NFIB: variants seen among roughly 807,000 people sequenced by gnomAD.
The protein encoded by NFIB is nuclear factor 1 B-type.
NFIB carries 11 observed loss-of-function variants against 61.5 expected under a neutral mutation model. The ratio of observed to expected loss-of-function variants is 0.18; its 90% CI spans 0.11 to 0.30. The LOEUF (loss-of-function observed/expected upper bound fraction) is 0.30, where lower values mean the gene tolerates loss of function less well. NFIB is among the 10% of genes least tolerant of loss of function. The pLI is 1.00. For missense variants in NFIB, 471 were observed against 608.9 expected (o/e 0.77, Z 2.38); for synonymous variants, 260 against 216.5 (o/e 1.20, Z -1.76).
the NFIB span, among the ~76,000 whole-genome samples, chr9:14,471,546 G>T: frequency 6.6e-6 from 1 of 152,252 alleles, no homozygotes; most frequent in African/African-American, 2.4e-5. Flanking sequence ...AGACTGCAAA[G>T]CTTCTAAAAT....
At chr9:14,429,042 C>G in the NFIB span, among the ~76,000 whole-genome samples, 3 of 152,316 alleles carry the variant, frequency 2.0e-5, no homozygotes, top group African/African-American at 4.8e-5. Context: ...GGGACTGGAA[C>G]ACACAAGTTC....
At chr9:14,256,897 G>C (rs982327239) in intron 2 of NFIB, among the ~76,000 whole-genome samples, 1 of 152,180 alleles carries the variant, frequency 6.6e-6, no homozygotes, top group African/African-American at 2.4e-5. Flanking sequence ...CCATGGCCTA[G>C]TTTGACCTGG....
At chr9:14,404,555 T>C in the NFIB span, among the ~76,000 whole-genome samples, 1 of 152,124 alleles carries the variant, frequency 6.6e-6, no homozygotes, top group Non-Finnish European at 1.5e-5. Context: ...TGATTCCCCA[T>C]GTTTATTTGG....
At chr9:14,455,700 A>T in the NFIB span, among the ~76,000 whole-genome samples, 5 of 152,194 alleles carry the variant, frequency 3.3e-5, no homozygotes, top group Non-Finnish European at 7.3e-5. Flanking sequence ...AAAAAGGGCA[A>T]TTAACTCTCA....
At chr9:14,438,420 ATTT>A in the NFIB span, among the ~76,000 whole-genome samples, 1 of 152,192 alleles carries the variant, frequency 6.6e-6, no homozygotes, top group Non-Finnish European at 1.5e-5. Context: ...ACAACGCATT[ATTT>A]TCAGAATTCT....
At chr9:14,472,090 C>A in the NFIB span, among the ~76,000 whole-genome samples, 3 of 152,192 alleles carry the variant, frequency 2.0e-5, no homozygotes, top group Admixed American at 2.0e-4. Context: ...TCGCGCAGAA[C>A]AATTTGTCTT....
intron 2 of NFIB, among the ~76,000 whole-genome samples, chr9:14,239,028 T>C (rs2054085765): frequency 1.3e-5 from 2 of 152,338 alleles, no homozygotes; most frequent in East Asian, 1.9e-4. Context: ...TGTTATACAA[T>C]ATAGTTTATA....
intron 2 of NFIB, among the ~76,000 whole-genome samples, chr9:14,274,363 G>A (rs181221225): frequency 2.0e-5 from 3 of 151,996 alleles, no homozygotes; most frequent in Middle Eastern, 3.4e-3. Flanking sequence ...TTAGGAGGGC[G>A]GCAGCCGTGC....
At chr9:14,169,801 G>C (rs971086682) in intron 3 of NFIB, among the ~76,000 whole-genome samples, 7 of 152,158 alleles carry the variant, frequency 4.6e-5, no homozygotes, top group Admixed American at 4.6e-4. Context: ...CTGGGCAACA[G>C]AGCAAGACTC....
intron 1 of NFIB, among the ~76,000 whole-genome samples, chr9:14,324,462 TC>T (rs2060728971): frequency 6.6e-6 from 1 of 152,202 alleles, no homozygotes. Flanking sequence ...CAACAGAAAG[TC>T]TTCTCTGTTA....
At chr9:14,112,013 T>A (rs1367840935) in intron 10 of NFIB, among the ~76,000 whole-genome samples, 1 of 152,120 alleles carries the variant, frequency 6.6e-6, no homozygotes, top group Admixed American at 6.5e-5. Flanking sequence ...AAGAATGAAG[T>A]AAGTGGGCAA....
chr9:14,353,420 T>C (rs963008994), intron 1 of NFIB, among the ~76,000 whole-genome samples: 1 of 152,102 alleles, frequency 6.6e-6, no homozygotes, highest in East Asian at 1.9e-4. Context: ...TGCTAGGGTG[T>C]CCTTGGCAGA....
At chr9:14,142,072 TAAAG>T (rs1414071094) in intron 6 of NFIB, among the ~76,000 whole-genome samples, 2 of 152,194 alleles carry the variant, frequency 1.3e-5, no homozygotes, top group Non-Finnish European at 2.9e-5. Flanking sequence ...AGTGACCTTA[TAAAG>T]AATTGTTTTC....
the NFIB span, among the ~76,000 whole-genome samples, chr9:14,507,862 G>A: frequency 6.1e-4 from 93 of 151,434 alleles, no homozygotes; most frequent in Non-Finnish European, 1.0e-3. Flanking sequence ...ACAGGCTGCC[G>A]GCATCAGAAA....
chr9:14,185,114 G>A (rs1204252464), intron 2 of NFIB, among the ~76,000 whole-genome samples: 1 of 151,974 alleles, frequency 6.6e-6, no homozygotes, highest in Non-Finnish European at 1.5e-5. Context: ...CCATGTAGAA[G>A]CTCAGAGGCT....
intron 1 of NFIB, among the ~76,000 whole-genome samples, chr9:14,386,477 G>T (rs662526): frequency 6.6e-6 from 1 of 152,016 alleles, no homozygotes; most frequent in East Asian, 1.9e-4. Context: ...ACTATCTTAC[G>T]CTACAGGACC....
At chr9:14,122,255 A>G (rs972521612) in intron 7 of NFIB, among the ~76,000 whole-genome samples, 9 of 152,176 alleles carry the variant, frequency 5.9e-5, no homozygotes, top group Admixed American at 2.6e-4. Context: ...GATATAAGAA[A>G]TTAAGAATGT....
At chr9:14,473,224 G>T in the NFIB span, among the ~76,000 whole-genome samples, 1 of 152,180 alleles carries the variant, frequency 6.6e-6, no homozygotes, top group Non-Finnish European at 1.5e-5. Flanking sequence ...GAGACCCTGG[G>T]ATAATCCCAT....
chr9:14,373,944 A>G (rs2061388160), intron 1 of NFIB, among the ~76,000 whole-genome samples: 1 of 152,172 alleles, frequency 6.6e-6, no homozygotes, highest in African/African-American at 2.4e-5. Context: ...ATGACATCGG[A>G]TCAGCTTGTG....
Sources: allele counts gnomAD v4.1 joint callset (sites outside exome capture counted in the v4.1 genomes callset), GRCh38; gene constraint gnomAD v4.1.1; transcripts MANE v1.5; gene names NCBI Gene and HGNC (gene_info 2026-07-23, HGNC 2026-07-21).